Variants in PCDH15 observed in about 807,000 individuals in gnomAD.
The protein encoded by PCDH15 is protocadherin-15.
A neutral mutation model predicts 178.5 loss-of-function variants in PCDH15; 129 were observed. That is an observed-to-expected ratio of 0.72 (90% CI 0.63 to 0.84). The LOEUF (loss-of-function observed/expected upper bound fraction) is 0.84. Ranked by LOEUF, PCDH15 falls within the 40% of genes least tolerant of loss-of-function variation. The pLI is 0.00. For missense variants in PCDH15, 2,230 were observed against 2,099.9 expected (o/e 1.06, Z -1.21); for synonymous variants, 800 against 732.0 (o/e 1.09, Z -1.50).
chr10:55,620,062 GC>G (rs1414172414), intron 2 of PCDH15, among the ~76,000 whole-genome samples: 1 of 151,816 alleles, frequency 6.6e-6, no homozygotes, highest in Non-Finnish European at 1.5e-5. Flanking sequence ...CTAAGCATAT[GC>G]CCCCAGTTAA....
intron 18 of PCDH15, among the ~76,000 whole-genome samples, chr10:54,064,477 C>G (rs1442443167): frequency 6.6e-6 from 1 of 152,188 alleles, no homozygotes; most frequent in Non-Finnish European, 1.5e-5. Flanking sequence ...GGGGCTTCAC[C>G]AGGGACACCC....
chr10:55,541,105 C>T (rs1589124624), intron 2 of PCDH15, among the ~76,000 whole-genome samples: 1 of 152,014 alleles, frequency 6.6e-6, no homozygotes, highest in East Asian at 1.9e-4. Flanking sequence ...CGTTTAGAAA[C>T]AGGCAACTTT....
chr10:53,855,913 T>TATATATAC (rs2133015171), intron 28 of PCDH15, among the ~76,000 whole-genome samples: 1 of 142,192 alleles, frequency 7.0e-6, no homozygotes, highest in South Asian at 2.4e-4. Context: ...TGTATATATA[T>TATATATAC]ATATATATGT....
chr10:53,884,090 G>A (rs897031788), intron 26 of PCDH15, among the ~76,000 whole-genome samples: 1 of 152,144 alleles, frequency 6.6e-6, no homozygotes, highest in African/African-American at 2.4e-5. Context: ...CCAAAAAATA[G>A]CACTGCTCAA....
chr10:54,050,828 T>A (rs926665433), intron 18 of PCDH15, among the ~76,000 whole-genome samples: 1 of 152,294 alleles, frequency 6.6e-6, no homozygotes, highest in Non-Finnish European at 1.5e-5. Context: ...CAAAATCTCA[T>A]CTTGATTGTA....
At chr10:55,591,263 T>A (rs1462926934) in intron 2 of PCDH15, among the ~76,000 whole-genome samples, 1 of 151,928 alleles carries the variant, frequency 6.6e-6, no homozygotes, top group Non-Finnish European at 1.5e-5. Context: ...TAATACCCCA[T>A]CTCTACCAAA....
At position 54,815,344 on chromosome 10, in the gene PCDH15, C is replaced by T. The variant is rs1591717171; in HGVS notation, c.-29+82106G>A. 3.9e-5 allele frequency among the ~76,000 whole-genome samples: 6 copies of T among 152,090 alleles called. No homozygotes were observed. The South Asian group carries it at 1.2e-3, about 32-fold the overall frequency. ...TTATCAAAATTTGGGCACACAAAGA[C>T]CGTACATGGCACCATTCACAGTTAA... On this transcript the variant is annotated intron_variant, in intron 3 of 5. Coordinates refer to the PCDH15 transcript ENST00000458638.
chr10:55,572,763 T>G (rs1433131762), intron 2 of PCDH15, among the ~76,000 whole-genome samples: 1 of 152,016 alleles, frequency 6.6e-6, no homozygotes, highest in East Asian at 1.9e-4. Context: ...GAGAGCTGAA[T>G]GAAATCAAGG....
intron 2 of PCDH15, among the ~76,000 whole-genome samples, chr10:55,447,989 T>G (rs781667902): frequency 5.9e-5 from 9 of 151,950 alleles, no homozygotes; most frequent in African/African-American, 9.7e-5. Context: ...TGGTTAACAC[T>G]GGGTTGTGTG....
chr10:55,550,772 C>T (rs755753551), intron 2 of PCDH15, among the ~76,000 whole-genome samples: 3 of 152,002 alleles, frequency 2.0e-5, no homozygotes, highest in Non-Finnish European at 4.4e-5. Context: ...AAAAATGTTA[C>T]CCATAACTCC....
intron 1 of PCDH15, among the ~76,000 whole-genome samples, chr10:54,689,532 A>G (rs1204504365): frequency 6.6e-6 from 1 of 152,210 alleles, no homozygotes; most frequent in Non-Finnish European, 1.5e-5. Context: ...AGCACTGTGC[A>G]AAAGTCAGCA....
chr10:54,529,223 C>T (rs2083670551), intron 2 of PCDH15, among the ~76,000 whole-genome samples: 2 of 152,040 alleles, frequency 1.3e-5, no homozygotes, highest in Admixed American at 6.6e-5. Flanking sequence ...TCTCTTTACA[C>T]TTGTCAATAT....
intron 2 of PCDH15, among the ~76,000 whole-genome samples, chr10:55,417,995 C>A (rs534647206): frequency 6.6e-6 from 1 of 151,612 alleles, no homozygotes; most frequent in African/African-American, 2.4e-5. Flanking sequence ...TGAGAAACAA[C>A]TTTTAAGCAA....
At chr10:55,038,604 G>A (rs1345122173) in intron 2 of PCDH15, among the ~76,000 whole-genome samples, 2 of 152,142 alleles carry the variant, frequency 1.3e-5, no homozygotes, top group Non-Finnish European at 2.9e-5. Flanking sequence ...CTGAGAAAGT[G>A]GGCAAACCCT....
At chr10:55,043,633 C>A (rs529789591) in intron 2 of PCDH15, among the ~76,000 whole-genome samples, 1 of 151,904 alleles carries the variant, frequency 6.6e-6, no homozygotes, top group South Asian at 2.1e-4. Context: ...TCACTTGAGC[C>A]TGGGAGCTCA....
At chr10:54,322,778 A>G (rs1286012454) in intron 7 of PCDH15, among the ~76,000 whole-genome samples, 2 of 152,090 alleles carry the variant, frequency 1.3e-5, no homozygotes, top group Non-Finnish European at 2.9e-5. Context: ...AAAACCTATT[A>G]AAACTCTTCT....
chr10:54,170,302 T>G (rs182698090), intron 13 of PCDH15, among the ~76,000 whole-genome samples: 1 of 152,102 alleles, frequency 6.6e-6, no homozygotes, highest in Admixed American at 6.5e-5. Flanking sequence ...GCATGGTTAG[T>G]GTGGTCAGAA....
chr10:55,337,637 A>AATAATAG (rs975354925), intron 2 of PCDH15, among the ~76,000 whole-genome samples: 5 of 152,192 alleles, frequency 3.3e-5, no homozygotes, highest in Non-Finnish European at 5.9e-5. Context: ...AAAAATTCAA[A>AATAATAG]GGTACTTATT....
intron 13 of PCDH15, among the ~76,000 whole-genome samples, chr10:54,179,940 T>G (rs1284108785): frequency 6.6e-6 from 1 of 152,184 alleles, no homozygotes; most frequent in Non-Finnish European, 1.5e-5. Context: ...GTATCCTGTA[T>G]AGGGAGTAAT....
Sources: gnomAD v4.1 joint callset for allele counts (sites outside exome capture counted in the v4.1 genomes callset) on GRCh38, gnomAD v4.1.1 for gene constraint, MANE v1.5 for transcripts, NCBI Gene and HGNC (gene_info 2026-07-23, HGNC 2026-07-21) for gene names.